Variants in ENTPD7 observed in about 807,000 individuals in gnomAD.
ENTPD7 encodes the protein ectonucleoside triphosphate diphosphohydrolase 7.
In ENTPD7, 53 loss-of-function variants were observed where a neutral mutation model predicts 77.9. The ratio of observed to expected loss-of-function variants is 0.68; its 90% CI spans 0.55 to 0.85. ENTPD7 has a LOEUF of 0.85. ENTPD7 is among the 40% of genes least tolerant of loss of function. ENTPD7 has a pLI of 0.00. For missense variants in ENTPD7, 636 were observed against 743.7 expected (o/e 0.86, Z 1.68); for synonymous variants, 248 against 274.9 (o/e 0.90, Z 0.97).
intron 12 of ENTPD7, 98 bp downstream of exon 12, chr10:99,702,771 A>G: frequency 1.6e-6 from 2 of 1,216,500 alleles, no homozygotes; most frequent in African/African-American, 1.6e-5. Flanking sequence ...CCAGCTTAGA[A>G]TAGGTCTTAA....
intron 6 of ENTPD7, among the ~76,000 whole-genome samples, chr10:99,686,798 CA>C (rs1382841736): frequency 6.6e-6 from 1 of 150,858 alleles, no homozygotes; most frequent in Non-Finnish European, 1.5e-5. Flanking sequence ...CCATCCTGGA[CA>C]TTTTGAATAT....
chr10:99,708,820 C>G lies in ENTPD7; in HGVS notation c.*4137C>G. On this transcript the variant is annotated 3_prime_UTR_variant, in exon 13 of 13. Transcript: ENST00000370489. ...GTGCAAAGTCATAGTGACTGGCCTC[C>G]TAGCCCAACTACTTTGTCAGCTACA... 1.0e-6 allele frequency: 1 copy of G among 985,368 alleles called. No homozygotes were observed. The highest frequency in any genetic ancestry group is 5.2e-4 in the Middle Eastern group (1 of 1,914). The allele number at this position is 985,368 out of a possible 1,614,324, so 61.0% of individuals were successfully genotyped here. A position where few individuals can be genotyped will look rare whatever the true frequency, so the allele number is the denominator to read the frequency against.
At chr10:99,674,112 A>T (rs1358533542) in intron 3 of ENTPD7, among the ~76,000 whole-genome samples, 1 of 152,172 alleles carries the variant, frequency 6.6e-6, no homozygotes. Flanking sequence ...GCTTTTTAAG[A>T]ACTGAGAAGC....
Position 99,690,751 on chromosome 10 carries a change from A to C in ENTPD7, c.710-634A>C, listed in dbSNP as rs184450581. On this transcript the variant is annotated intron_variant, in intron 7 of 12. Coordinates refer to ENST00000370489, the MANE Select transcript of ENTPD7 (RefSeq NM_020354.5). Reference sequence around the variant, plus strand: ...GAGACAGGGTTTCACCATGTTGGTCAGGCTGGTCTCGAACTCCTGACCTTG... The same window carrying C: ...GAGACAGGGTTTCACCATGTTGGTCCGGCTGGTCTCGAACTCCTGACCTTG... Among the ~76,000 whole-genome samples, 487 of 151,864 alleles carry C rather than the reference A, an allele frequency of 3.2e-3. 3 individuals are homozygous for C. The highest frequency in any genetic ancestry group is 0.011 in the African/African-American group (465 of 41,410).
intron 9 of ENTPD7, 38 bp from the exon 10 acceptor site, chr10:99,698,496 C>CGT: frequency 6.8e-7 from 1 of 1,472,894 alleles, no homozygotes; most frequent in Non-Finnish European, 9.4e-7. Context: ...ACAGGCATGA[C>CGT]GTGTTTGTTT....
At chr10:99,696,240 A>C (rs1590054678) in intron 9 of ENTPD7, 118 bp downstream of exon 9, 51 of 1,232,516 alleles carry the variant, frequency 4.1e-5, no homozygotes, top group Admixed American at 2.5e-5. Flanking sequence ...CTTTCTGACT[A>C]CCCCTGCCAA....
intron 5 of ENTPD7, among the ~76,000 whole-genome samples, chr10:99,680,929 G>A (rs1266173013): frequency 5.9e-5 from 9 of 152,162 alleles, no homozygotes; most frequent in African/African-American, 2.2e-4. Flanking sequence ...GTACAGTGTT[G>A]TACAGTGGAT....
At position 99,704,699 on chromosome 10, in the gene ENTPD7, A is replaced by C; in HGVS notation, c.*16A>C. On this transcript the variant is annotated 3_prime_UTR_variant, in exon 13 of 13. Coordinates refer to ENST00000370489, the MANE Select transcript of ENTPD7 (RefSeq NM_020354.5). ...GGGGCCGTGAGGCTGGACCAGGACT[A>C]GAGAAGCTTGAGCACCCCCGAGTTG... 6 of 1,606,810 alleles carry C rather than the reference A, an allele frequency of 3.7e-6. No individual in the cohort carries two copies. Among genetic ancestry groups the C allele is most frequent in the Non-Finnish European group, 4.3e-6 (5 of 1,175,976 alleles).
At chr10:99,681,454 A>ATT (rs556910300) in intron 5 of ENTPD7, among the ~76,000 whole-genome samples, 7 of 149,752 alleles carry the variant, frequency 4.7e-5, no homozygotes, top group South Asian at 2.1e-4. Context: ...AATTTTTTGT[A>ATT]TTTTTTTTTG....
rs891082605 is a variant in ENTPD7, at chr10:99,706,904, G to A, written c.*2221G>A. Among the ~76,000 whole-genome samples the A allele has an allele frequency of 6.6e-6, 1 of 152,162 alleles. No individual in the cohort carries two copies. The highest frequency in any genetic ancestry group is 2.4e-5 in the African/African-American group (1 of 41,442). On this transcript the variant is annotated 3_prime_UTR_variant, in exon 13 of 13. Coordinates refer to ENST00000370489, the MANE Select transcript of ENTPD7 (RefSeq NM_020354.5). Reference sequence around the variant, plus strand: ...TCAGAAGCTACTTCACTGGCTAACAGTGATCATGTTCATGTGCTAAAAATG... The same window carrying A: ...TCAGAAGCTACTTCACTGGCTAACAATGATCATGTTCATGTGCTAAAAATG...
In ENTPD7 at chr10:99,702,571, C is replaced by T; in HGVS notation, c.1481C>T (p.Pro494Leu). 6.2e-7 allele frequency: 1 copy of T among 1,612,770 alleles called. No homozygotes were observed. The highest frequency in any genetic ancestry group is 8.5e-7 in the Non-Finnish European group (1 of 1,179,508). ...YQVLHEGFHF[P>L]YDYPNLRTAQ... is the part of the protein sequence containing the mutation. The stretch of plus-strand genomic sequence containing the variant: ...GTCTTACATGAAGGATTCCACTTTC[C>T]CTATGACTACCCAAACCTGCGGACA... Residue 494 changes from proline (P) to leucine (L), a missense_variant, in exon 12 of 13, where the codon CCC (proline) becomes CTC (leucine). By Grantham distance (98) the Pro-to-Leu change is moderately conservative. This residue lies in a region of ENTPD7 where 138 missense variants were observed against 150.9 expected (regional missense o/e 0.91). Coordinates refer to ENST00000370489, the MANE Select transcript of ENTPD7 (RefSeq NM_020354.5).
intron 5 of ENTPD7, among the ~76,000 whole-genome samples, chr10:99,684,512 A>C (rs1280295287): frequency 6.6e-6 from 1 of 152,236 alleles, no homozygotes; most frequent in African/African-American, 2.4e-5. Flanking sequence ...TCTTATTGCA[A>C]GAATTTAATA....
chr10:99,679,216 T>C (rs760130452), intron 3 of ENTPD7, 45 bp from the exon 4 acceptor site: 10 of 1,593,492 alleles, frequency 6.3e-6, no homozygotes, highest in Non-Finnish European at 6.0e-6. Context: ...GCGCCTTTCA[T>C]GGACCTGACT....
At chr10:99,701,993 G>A (rs922703853) in intron 11 of ENTPD7, among the ~76,000 whole-genome samples, 3 of 152,038 alleles carry the variant, frequency 2.0e-5, no homozygotes, top group African/African-American at 7.3e-5. Flanking sequence ...AGGTTGTAGT[G>A]AGCTGAGATC....
intron 8 of ENTPD7, among the ~76,000 whole-genome samples, chr10:99,692,690 C>T (rs2035902445): frequency 6.6e-6 from 1 of 152,128 alleles, no homozygotes; most frequent in African/African-American, 2.4e-5. Context: ...GTAGTTAAGA[C>T]TGGGAAGATA....
chr10:99,662,590 G>A (rs2035500207), intron 3 of ENTPD7, among the ~76,000 whole-genome samples: 1 of 152,184 alleles, frequency 6.6e-6, no homozygotes, highest in Admixed American at 6.5e-5. Flanking sequence ...AGAAAAAAAG[G>A]CTTATGTATT....
At chr10:99,700,089 C>T (rs892420955) in intron 10 of ENTPD7, among the ~76,000 whole-genome samples, 10 of 152,156 alleles carry the variant, frequency 6.6e-5, no homozygotes, top group African/African-American at 1.4e-4. Context: ...ACGACCTTCA[C>T]GCTCCCTGTT....
rs11190252 is a variant in ENTPD7, at chr10:99,710,572, A to G, written c.*5889A>G. 855 of 985,402 alleles carry G rather than the reference A, an allele frequency of 8.7e-4. 4 individuals carry two copies. In the African/African-American group the frequency reaches 0.012, roughly 14 times the overall value. The allele number at this position is 985,402 out of a possible 1,614,324, so 61.0% of individuals were successfully genotyped here. A position where few individuals can be genotyped will look rare whatever the true frequency, so the allele number is the denominator to read the frequency against. On this transcript the variant is annotated 3_prime_UTR_variant, in exon 13 of 13. Coordinates refer to ENST00000370489, the MANE Select transcript of ENTPD7 (RefSeq NM_020354.5). ...TGAATTTTGAATTCTTAAAATTCTCACTGACAAACATTTTAGGTCAGTGTT... is the reference window on the plus strand; with the variant it reads ...TGAATTTTGAATTCTTAAAATTCTCGCTGACAAACATTTTAGGTCAGTGTT...
chr10:99,680,005 C>T, intron 5 of ENTPD7, 130 bp downstream of exon 5: 1 of 1,115,698 alleles, frequency 9.0e-7, no homozygotes, highest in Non-Finnish European at 1.2e-6. Context: ...CATTCATTCC[C>T]AACTTCTTGT....
Sources: allele counts gnomAD v4.1 joint callset (sites outside exome capture counted in the v4.1 genomes callset), GRCh38; gene constraint gnomAD v4.1.1; regional missense constraint gnomAD v4.1.1; transcripts MANE v1.5; gene names NCBI Gene and HGNC (gene_info 2026-07-23, HGNC 2026-07-21).